The following HCK variants were observed in gnomAD, a reference collection of about 807,000 sequenced individuals.
HCK encodes tyrosine-protein kinase HCK.
Under a neutral mutation model 70.4 loss-of-function variants are expected in HCK, and 40 were observed. The ratio of observed to expected loss-of-function variants is 0.57; its 90% CI spans 0.44 to 0.74. The LOEUF is 0.74. HCK is among the 30% of genes least tolerant of loss of function. The pLI is 0.00. For missense variants in HCK, 568 were observed against 697.2 expected (o/e 0.81, Z 2.09); for synonymous variants, 245 against 263.2 (o/e 0.93, Z 0.67).
In HCK at chr20:32,054,475, TAAAAAAAAAAAAAAAAAAAAAA is replaced by T. The variant is rs529274774; in HGVS notation, c.62+2017_62+2038del. ...TGGACAACAAAAGCGAAACTCCACC[TAAAAAAAAAAAAAAAAAAAAAA>T]AAAAAAAAAAAAAAAAAAAAAAAAA... On this transcript the variant is annotated intron_variant, in intron 1 of 12. Coordinates refer to ENST00000375852, the MANE Select transcript of HCK (RefSeq NM_002110.5). 6.6e-3 allele frequency among the ~76,000 whole-genome samples: 104 copies of T among 15,860 alleles called. 1 individual carries two copies. Among genetic ancestry groups the T allele is most frequent in the African/African-American group, 0.014 (75 of 5,270 alleles). 10.4% of individuals were successfully genotyped at this position (15,860 alleles called of 152,430 possible). A position where few individuals can be genotyped will look rare whatever the true frequency, so the allele number is the denominator to read the frequency against.
intron 2 of HCK, among the ~76,000 whole-genome samples, chr20:32,073,092 T>C (rs2045567264): frequency 6.6e-6 from 1 of 152,160 alleles, no homozygotes; most frequent in Non-Finnish European, 1.5e-5. Context: ...AGAGTGAGAT[T>C]CCATCTCAAA....
At chr20:32,096,252 A>T (rs2045953314) in intron 11 of HCK, among the ~76,000 whole-genome samples, 1 of 151,014 alleles carries the variant, frequency 6.6e-6, no homozygotes, top group Non-Finnish European at 1.5e-5. Context: ...TAATACCAGC[A>T]CTTTGGGAGG....
chr20:32,073,998 T>A (rs1300556514), intron 4 of HCK, among the ~76,000 whole-genome samples, 180 bp downstream of exon 4: 5 of 152,222 alleles, frequency 3.3e-5, no homozygotes, highest in African/African-American at 2.4e-5. Context: ...TGAAGGGGAT[T>A]GTGCACTTAC....
rs1236060396 is a variant in HCK, at chr20:32,093,908, C to T, written c.1138C>T (p.Arg380Ter). Residue 380 changes from arginine to a stop codon, truncating the protein, a stop_gained, in exon 11 of 13, where the codon CGA becomes TGA. Coordinates refer to ENST00000375852, the MANE Select transcript of HCK (RefSeq NM_002110.5). LOFTEE classifies it high-confidence loss of function. ...CATCGAGCAGAGGAACTACATCCAC[C>T]GAGACCTCCGAGCTGCCAACATCTT... 10 of 1,613,896 alleles carry T rather than the reference C, an allele frequency of 6.2e-6. No homozygotes were observed. The highest frequency in any genetic ancestry group is 1.7e-5 in the Admixed American group (1 of 59,968).
chr20:32,078,882 G>C (rs35088805), intron 5 of HCK, among the ~76,000 whole-genome samples: 4,318 of 99,010 alleles, frequency 0.044, 107 homozygotes, highest in Non-Finnish European at 0.061. Context: ...AAAAAAAAGG[G>C]GGGGAATGAT....
At chr20:32,072,526 A>C (rs1206206521) in intron 2 of HCK, 5 of 134,048 alleles carry the variant, frequency 3.7e-5, no homozygotes, top group African/African-American at 1.2e-4. Context: ...ACGCCACTGC[A>C]CTCCAGCCTG....
At chr20:32,053,035 T>C (rs928441569) in intron 1 of HCK, among the ~76,000 whole-genome samples, 3 of 152,098 alleles carry the variant, frequency 2.0e-5, no homozygotes, top group Non-Finnish European at 4.4e-5. Context: ...CCAAACCTCC[T>C]GGCCCCAGAC....
intron 2 of HCK, among the ~76,000 whole-genome samples, chr20:32,072,909 G>A (rs943496675): frequency 4.6e-5 from 7 of 152,000 alleles, no homozygotes; most frequent in African/African-American, 1.2e-4. Context: ...TAGACCAGCC[G>A]GGCCAACATG....
At position 32,099,002 on chromosome 20, in the gene HCK, A is replaced by G; in HGVS notation, c.1247-2A>G. ...CCGACTCTGCTCTGTTCAACCCTGC[A>G]GGGGCCAAGTTCCCCATCAAGTGGA... On this transcript the variant is annotated splice_acceptor_variant, in intron 11 of 12. Transcript: ENST00000375852. LOFTEE classifies it high-confidence loss of function. The G allele has an allele frequency of 1.2e-6, 2 of 1,614,064 alleles. No homozygotes were observed. Among genetic ancestry groups the G allele is most frequent in the Non-Finnish European group, 1.7e-6 (2 of 1,179,968 alleles).
At chr20:32,054,865 G>A (rs2045245488) in intron 1 of HCK, among the ~76,000 whole-genome samples, 1 of 152,174 alleles carries the variant, frequency 6.6e-6, no homozygotes, top group African/African-American at 2.4e-5. Flanking sequence ...TCTGACAATG[G>A]GGATAGCAGA....
chr20:32,068,502 G>C (rs1370403019), intron 1 of HCK, among the ~76,000 whole-genome samples: 2 of 151,892 alleles, frequency 1.3e-5, no homozygotes, highest in African/African-American at 2.4e-5. Context: ...ACATTTCTGG[G>C]CCTAGTGACC....
chr20:32,056,284 C>T (rs2045270406), intron 1 of HCK, among the ~76,000 whole-genome samples: 2 of 152,150 alleles, frequency 1.3e-5, no homozygotes, highest in Admixed American at 6.5e-5. Context: ...GAGGCTGAGG[C>T]GGGCGGATCA....
intron 1 of HCK, among the ~76,000 whole-genome samples, chr20:32,067,327 A>T (rs1231649766): frequency 2.0e-5 from 3 of 152,078 alleles, no homozygotes; most frequent in African/African-American, 7.2e-5. Flanking sequence ...ACCACCATCC[A>T]TCTCCATAAC....
intron 1 of HCK, among the ~76,000 whole-genome samples, chr20:32,056,308 T>C (rs2045270898): frequency 6.6e-6 from 1 of 152,130 alleles, no homozygotes; most frequent in South Asian, 2.1e-4. Flanking sequence ...GGTCAGGAGA[T>C]GGAGATCATC....
At chr20:32,056,233 G>A (rs879607584) in intron 1 of HCK, among the ~76,000 whole-genome samples, 3 of 152,210 alleles carry the variant, frequency 2.0e-5, no homozygotes, top group South Asian at 2.1e-4. Context: ...TATCTCTGTG[G>A]CCGGGTGCGG....
At chr20:32,059,217 C>T (rs369401817) in intron 1 of HCK, among the ~76,000 whole-genome samples, 8 of 152,024 alleles carry the variant, frequency 5.3e-5, no homozygotes, top group African/African-American at 1.7e-4. Flanking sequence ...AAAGAGGTGG[C>T]CATGGAGGGC....
At chr20:32,081,699 C>T (rs938263986) in intron 6 of HCK, among the ~76,000 whole-genome samples, 4 of 152,152 alleles carry the variant, frequency 2.6e-5, no homozygotes, top group African/African-American at 7.2e-5. Flanking sequence ...TCCCACCCAA[C>T]GAGCCCCATT....
chr20:32,099,250 C>T (rs2045998903), intron 12 of HCK, 115 bp downstream of exon 12: 4 of 1,129,450 alleles, frequency 3.5e-6, no homozygotes, highest in Admixed American at 4.2e-5. Flanking sequence ...AACCTTCCCT[C>T]ACCTTTCCTG....
At chr20:32,058,376 G>A (rs559039924) in intron 1 of HCK, among the ~76,000 whole-genome samples, 6 of 151,960 alleles carry the variant, frequency 3.9e-5, no homozygotes, top group Non-Finnish European at 5.9e-5. Context: ...TACTAAAAAT[G>A]CAAAAATTAG....
Sources: allele counts gnomAD v4.1 joint callset (sites outside exome capture counted in the v4.1 genomes callset), GRCh38; gene constraint gnomAD v4.1.1; transcripts MANE v1.5; gene names NCBI Gene and HGNC (gene_info 2026-07-23, HGNC 2026-07-21).